The following LAMA3 variants were observed in gnomAD, a reference collection of about 807,000 sequenced individuals.
LAMA3 encodes laminin subunit alpha 3.
A neutral mutation model predicts 402.0 loss-of-function variants in LAMA3; 281 were observed. The ratio of observed to expected loss-of-function variants is 0.70; its 90% CI spans 0.63 to 0.77. The LOEUF is 0.77. LAMA3 is among the 30% of genes least tolerant of loss of function. The pLI, the probability that LAMA3 is intolerant of heterozygous loss-of-function variation, is 0.00. For synonymous variants in LAMA3, 1,431 were observed against 1,558.4 expected (o/e 0.92, Z 1.93); for missense variants, 3,840 against 4,215.5 (o/e 0.91, Z 2.47).
chr18:23,710,157 T>C, intron 1 of LAMA3: 1 of 677,326 alleles, frequency 1.5e-6, no homozygotes, highest in South Asian at 1.4e-5. Context: ...CGCCGGAAGG[T>C]GGGTGACGTG....
chr18:23,729,858 G>A (rs900465612), intron 2 of LAMA3, among the ~76,000 whole-genome samples: 1 of 152,220 alleles, frequency 6.6e-6, no homozygotes, highest in African/African-American at 2.4e-5. Flanking sequence ...AGCCTTAGGC[G>A]CTGTGTGATG....
intron 68 of LAMA3, among the ~76,000 whole-genome samples, chr18:23,940,887 C>T (rs1301332528): frequency 6.6e-6 from 1 of 151,724 alleles, no homozygotes; most frequent in Non-Finnish European, 1.5e-5. Context: ...CTCCCCACCC[C>T]TGCTCTCTTG....
chr18:23,907,468 T>C, intron 52 of LAMA3, 82 bp from the exon 53 acceptor site: 5 of 977,418 alleles, frequency 5.1e-6, no homozygotes, highest in Non-Finnish European at 8.2e-6. Flanking sequence ...GTGCAGACAC[T>C]GGCTACTTCA....
chr18:23,950,267 T>A, intron 72 of LAMA3, 108 bp downstream of exon 72: 1 of 1,273,846 alleles, frequency 7.9e-7, no homozygotes, highest in Non-Finnish European at 1.1e-6. Context: ...AATCTTGTAT[T>A]TAAGAGCCTT....
intron 70 of LAMA3, among the ~76,000 whole-genome samples, chr18:23,949,497 G>A (rs997336575): frequency 2.9e-4 from 44 of 152,212 alleles, no homozygotes; most frequent in African/African-American, 9.4e-4. Context: ...CCGCCCTCCT[G>A]CACACACCAC....
At chr18:23,710,405 G>A in intron 1 of LAMA3, 1 of 284,596 alleles carries the variant, frequency 3.5e-6, no homozygotes, top group Non-Finnish European at 6.6e-6. Flanking sequence ...GGCTTTACTT[G>A]CAGGATTAGT....
intron 32 of LAMA3, among the ~76,000 whole-genome samples, chr18:23,849,136 G>C (rs1012107008): frequency 6.6e-6 from 1 of 152,334 alleles, no homozygotes; most frequent in South Asian, 2.1e-4. Context: ...CTCAGGTAGT[G>C]GGGGGTAGAA....
chr18:23,798,927 G>T (rs1467941587), intron 12 of LAMA3, among the ~76,000 whole-genome samples: 1 of 152,194 alleles, frequency 6.6e-6, no homozygotes, highest in African/African-American at 2.4e-5. Flanking sequence ...ATTACTGCAG[G>T]TGAAGAGGAA....
At chr18:23,897,832 A>G (rs576427310) in intron 44 of LAMA3, among the ~76,000 whole-genome samples, 1 of 152,328 alleles carries the variant, frequency 6.6e-6, no homozygotes, top group South Asian at 2.1e-4. Context: ...TCATATGTAC[A>G]TGACATTTTA....
chr18:23,886,367 T>C (rs906122189), intron 41 of LAMA3, among the ~76,000 whole-genome samples: 1 of 152,192 alleles, frequency 6.6e-6, no homozygotes, highest in African/African-American at 2.4e-5. Context: ...CCAAGCATGG[T>C]GGCTCAAACT....
At chr18:23,895,197 G>T in intron 44 of LAMA3, 139 bp downstream of exon 44, 1 of 973,476 alleles carries the variant, frequency 1.0e-6, no homozygotes, top group East Asian at 2.6e-5. Context: ...ATGAAGATAA[G>T]ACTTTTCCTG....
chr18:23,806,952 C>A (rs140436933), intron 12 of LAMA3, among the ~76,000 whole-genome samples: 1 of 152,154 alleles, frequency 6.6e-6, no homozygotes, highest in Admixed American at 6.5e-5. Flanking sequence ...ATTAGTTTGA[C>A]GGAAATGTTC....
rs1357811254 is a variant in LAMA3, at chr18:23,846,494, T to TC, written c.3920dup (p.Arg1308ThrfsTer13). On this transcript the variant is annotated frameshift_variant, in exon 31 of 75. Coordinates refer to ENST00000313654, the MANE Select transcript of LAMA3 (RefSeq NM_198129.4). LOFTEE classifies it high-confidence loss of function. ...CGCTGTGCAACAGGCCACTACGGATTCCCACGCTGCAAGCGTAAGTGCACG... is the reference window on the plus strand; with the variant it reads ...CGCTGTGCAACAGGCCACTACGGATTCCCCACGCTGCAAGCGTAAGTGCACG... The TC allele has an allele frequency of 6.2e-7, 1 of 1,609,750 alleles. No homozygotes were observed. Among genetic ancestry groups the TC allele is most frequent in the Non-Finnish European group, 8.5e-7 (1 of 1,179,942 alleles).
intron 21 of LAMA3, 146 bp downstream of exon 21, chr18:23,824,711 G>A (rs1186124157): frequency 1.2e-6 from 1 of 860,122 alleles, no homozygotes; most frequent in East Asian, 2.6e-5. Context: ...CCCAACCTAA[G>A]GAAACTGTGG....
intron 13 of LAMA3, 23 bp downstream of exon 13, chr18:23,810,526 A>T: frequency 6.2e-7 from 1 of 1,613,718 alleles, no homozygotes; most frequent in African/African-American, 1.3e-5. Flanking sequence ...GCAGATTGCT[A>T]GAGGGCTGGT....
At chr18:23,906,751 AT>A (rs973575454) in intron 52 of LAMA3, among the ~76,000 whole-genome samples, 2 of 152,240 alleles carry the variant, frequency 1.3e-5, no homozygotes, top group African/African-American at 4.8e-5. Context: ...AATAATTTGG[AT>A]TTCCTGGTAT....
rs1406875829 is a variant in LAMA3, at chr18:23,890,991, C to T, written c.5410+874C>T. On this transcript the variant is annotated intron_variant, in intron 42 of 74. Coordinates refer to ENST00000313654, the MANE Select transcript of LAMA3 (RefSeq NM_198129.4). ...AGGGACCAAGGGAAAACTTCCCCTTCACCTACAGAAGGTTTACAGAAAATC... is the reference window on the plus strand; with the variant it reads ...AGGGACCAAGGGAAAACTTCCCCTTTACCTACAGAAGGTTTACAGAAAATC... Among the ~76,000 whole-genome samples, 3 of 152,208 alleles carry T rather than the reference C, an allele frequency of 2.0e-5. No individual in the cohort carries two copies. In the East Asian group the frequency reaches 5.8e-4, roughly 29 times the overall value.
intron 68 of LAMA3, among the ~76,000 whole-genome samples, chr18:23,941,734 T>C (rs1435154116): frequency 6.6e-6 from 1 of 152,244 alleles, no homozygotes; most frequent in African/African-American, 2.4e-5. Context: ...TATCATGTAC[T>C]GGGATCTGAA....
chr18:23,859,219 ATT>A (rs1429026293), intron 34 of LAMA3, among the ~76,000 whole-genome samples: 2 of 152,170 alleles, frequency 1.3e-5, no homozygotes, highest in African/African-American at 2.4e-5. Flanking sequence ...CGAGTTTGTC[ATT>A]TTCCCCTTTA....
Sources: allele counts gnomAD v4.1 joint callset (sites outside exome capture counted in the v4.1 genomes callset), GRCh38; gene constraint gnomAD v4.1.1; transcripts MANE v1.5; gene names NCBI Gene and HGNC (gene_info 2026-07-23, HGNC 2026-07-21).